The following ZDHHC23 variants were observed in gnomAD, a reference collection of about 807,000 sequenced individuals.
The protein encoded by ZDHHC23 is zDHHC palmitoyltransferase 23.
A neutral mutation model predicts 40.2 loss-of-function variants in ZDHHC23; 41 were observed. The observed-to-expected ratio is 1.02, with a 90% CI of 0.79 to 1.32. The LOEUF is 1.32. Among genes scored for constraint, ZDHHC23 ranks in the 40% most tolerant of loss-of-function variants. The pLI is 0.00. For missense variants in ZDHHC23, 471 were observed against 541.5 expected (o/e 0.87, Z 1.29); for synonymous variants, 204 against 210.2 (o/e 0.97, Z 0.26).
intron 2 of ZDHHC23, 152 bp from the exon 3 acceptor site, chr3:113,953,548 A>C (rs1938885073): frequency 3.0e-6 from 2 of 664,968 alleles, no homozygotes; most frequent in Non-Finnish European, 5.0e-6. Context: ...TGACATGTGA[A>C]TCTGAAAAGC....
chr3:113,948,672 T>A lies in ZDHHC23; in HGVS notation c.-117-14T>A. The A allele has an allele frequency of 9.1e-7, 1 of 1,104,200 alleles. No individual in the cohort carries two copies. Among genetic ancestry groups the A allele is most frequent in the Non-Finnish European group, 1.3e-6 (1 of 781,582 alleles). The allele number at this position is 1,104,200 out of a possible 1,614,324, so 68.4% of individuals were successfully genotyped here. A position where few individuals can be genotyped will look rare whatever the true frequency, so the allele number is the denominator to read the frequency against. On this transcript the variant is annotated splice_polypyrimidine_tract_variant and intron_variant, in intron 1 of 4. Coordinates refer to ENST00000638807, the MANE Select transcript of ZDHHC23 (RefSeq NM_001320466.2). ...ACCCCCTCCCCCTCTCTCTTCTCAT[T>A]TTTGATTGCTCAGGCGTTGGAGGTT...
rs988647098 is a variant in ZDHHC23 at position 113,960,599 on chromosome 3, A to G, written c.*1969A>G. The G allele has an allele frequency of 4.2e-5, 65 of 1,550,844 alleles. No homozygotes were observed. The highest frequency in any genetic ancestry group is 5.2e-5 in the Non-Finnish European group (60 of 1,156,460). On this transcript the variant is annotated 3_prime_UTR_variant, in exon 5 of 5. Transcript: ENST00000638807. ...TAGTCAGTAATTTTAGCTTCTTGCC[A>G]AATTGTTCACAACATCTAAATGTAA... is the stretch of plus-strand genomic sequence containing the variant.
chr3:113,950,049 G>T (rs1385525555), intron 2 of ZDHHC23, among the ~76,000 whole-genome samples: 1 of 152,106 alleles, frequency 6.6e-6, no homozygotes, highest in Non-Finnish European at 1.5e-5. Context: ...CATTAACCTT[G>T]CTAACTCTTC....
Position 113,959,207 on chromosome 3 carries a change from A to T in ZDHHC23, c.*577A>T. On this transcript the variant is annotated 3_prime_UTR_variant, in exon 5 of 5. Coordinates refer to ENST00000638807, the MANE Select transcript of ZDHHC23 (RefSeq NM_001320466.2). ...GGAAGAAAAACGTTTATAGTCTAGA[A>T]TATTGAAGCCAATATTATTAGGGTA... 9.4e-7 allele frequency: 1 copy of T among 1,068,578 alleles called. No homozygotes were observed. The highest frequency in any genetic ancestry group is 1.6e-5 in the African/African-American group (1 of 61,194). 66.2% of individuals were successfully genotyped at this position (1,068,578 alleles called of 1,614,324 possible).
chr3:113,970,959 G>A, the ZDHHC23 span, among the ~76,000 whole-genome samples: 1 of 152,112 alleles, frequency 6.6e-6, no homozygotes, highest in Non-Finnish European at 1.5e-5. Context: ...TCTTAATCCA[G>A]TCTATCATTG....
chr3:113,975,830 G>A, the ZDHHC23 span, among the ~76,000 whole-genome samples: 1 of 152,202 alleles, frequency 6.6e-6, no homozygotes, highest in Non-Finnish European at 1.5e-5. Flanking sequence ...AAAGTGGGAA[G>A]AGATGAAATC....
chr3:113,948,976 C>A lies in ZDHHC23; in HGVS notation c.161+13C>A, dbSNP rs751916421. On this transcript the variant is annotated intron_variant, in intron 2 of 4. Transcript: ENST00000638807. ...AAGGGTGTGATCGGTAAGAACAGAGCATTTCTTGACGCTGGCCCCATCACC... is the reference window on the plus strand; with the variant it reads ...AAGGGTGTGATCGGTAAGAACAGAGAATTTCTTGACGCTGGCCCCATCACC... 23 of 1,613,712 alleles carry A rather than the reference C, an allele frequency of 1.4e-5. No homozygotes were observed. Among genetic ancestry groups the A allele is most frequent in the Admixed American group, 1.3e-4 (8 of 60,002 alleles).
At position 113,958,571 on chromosome 3, in the gene ZDHHC23, C is replaced by A. The variant is rs1312139116; in HGVS notation, c.1249C>A (p.His417Asn). 14 of 1,609,330 alleles carry A rather than the reference C, an allele frequency of 8.7e-6. No homozygotes were observed. The highest frequency in any genetic ancestry group is 1.1e-5 in the Non-Finnish European group (13 of 1,179,950). The part of the protein sequence containing the change: ...QYNRGFLRNW[H>N]QFSTLGTRAF... ...CAATAGGGGCTTCCTGCGGAACTGG[C>A]ACCAGTTCTCCACCCTGGGCACACG... The change falls in exon 5 of 5, where the codon CAC becomes AAC. Residue 417 changes from histidine (H) to asparagine (N), a missense_variant. This residue lies in a region of ZDHHC23 where 346 missense variants were observed against 399.8 expected (regional missense o/e 0.87). Transcript: ENST00000638807.
chr3:113,949,353 G>A (rs1429882211), intron 2 of ZDHHC23, among the ~76,000 whole-genome samples: 3 of 152,294 alleles, frequency 2.0e-5, no homozygotes, highest in Middle Eastern at 3.4e-3. Context: ...CTGACTACTT[G>A]GGACTGGGTG....
chr3:113,950,641 A>G (rs1487484902), intron 2 of ZDHHC23, among the ~76,000 whole-genome samples: 1 of 152,156 alleles, frequency 6.6e-6, no homozygotes, highest in East Asian at 1.9e-4. Context: ...TGTCCTTCTC[A>G]CATGCAAAAT....
the ZDHHC23 span, among the ~76,000 whole-genome samples, chr3:113,973,596 G>GTTTT: frequency 6.9e-6 from 1 of 145,566 alleles, no homozygotes; most frequent in Non-Finnish European, 1.5e-5. Context: ...TGGATGGCAG[G>GTTTT]TTTTTTTTTT....
rs1162161809 is a variant in ZDHHC23 at position 113,959,292 on chromosome 3, A to C, written c.*662A>C. ...TGAGAATTTCTCCTTCTTATTAGAC[A>C]TGAACTACTCAAACAGAGAAGATGA... On this transcript the variant is annotated 3_prime_UTR_variant, in exon 5 of 5. Coordinates refer to ENST00000638807, the MANE Select transcript of ZDHHC23 (RefSeq NM_001320466.2). The C allele has an allele frequency of 9.1e-7, 1 of 1,094,962 alleles. No individual in the cohort carries two copies. Among genetic ancestry groups the C allele is most frequent in the African/African-American group, 1.6e-5 (1 of 61,850 alleles). 67.8% of individuals were successfully genotyped at this position (1,094,962 alleles called of 1,614,324 possible). A position where few individuals can be genotyped will look rare whatever the true frequency, so the allele number is the denominator to read the frequency against.
chr3:113,972,031 T>C, the ZDHHC23 span, among the ~76,000 whole-genome samples: 1 of 152,136 alleles, frequency 6.6e-6, no homozygotes, highest in African/African-American at 2.4e-5. Context: ...TATGTCTCCT[T>C]TTTCATTTCT....
Position 113,958,925 on chromosome 3 carries a change from C to A in ZDHHC23, c.*295C>A. The stretch of plus-strand genomic sequence containing the variant: ...AATGCACAAATTGATAGAAGCAATT[C>A]CCATCCATTAGTATGGAGGAAAGAG... On this transcript the variant is annotated 3_prime_UTR_variant, in exon 5 of 5. Transcript: ENST00000638807. 8.1e-7 allele frequency: 1 copy of A among 1,233,566 alleles called. No individual in the cohort carries two copies. Among genetic ancestry groups the A allele is most frequent in the South Asian group, 1.4e-5 (1 of 69,598 alleles). 76.4% of individuals were successfully genotyped at this position (1,233,566 alleles called of 1,614,324 possible).
At chr3:113,978,634 TAC>T in the ZDHHC23 span, 4 of 598,458 alleles carry the variant, frequency 6.7e-6, no homozygotes, top group Non-Finnish European at 8.6e-6. Context: ...AATGATAACT[TAC>T]AGTTTATACA....
At chr3:113,969,370 A>G (rs146742238), downstream of ZDHHC23, among the ~76,000 whole-genome samples, 102 of 152,052 alleles carry the variant, frequency 6.7e-4, no homozygotes, top group African/African-American at 2.4e-3. Context: ...CCAGTTGTCT[A>G]TTTTTGCTTT....
rs764162832 is a variant in ZDHHC23, at chr3:113,958,887, G to A, written c.*257G>A. On this transcript the variant is annotated 3_prime_UTR_variant, in exon 5 of 5. Coordinates refer to ENST00000638807, the MANE Select transcript of ZDHHC23 (RefSeq NM_001320466.2). Reference sequence around the variant, plus strand: ...GACTCAGTTGCCTGAACTTGAGAAGGATGTGGATTGCTAATGCACAAATTG... The same window carrying A: ...GACTCAGTTGCCTGAACTTGAGAAGAATGTGGATTGCTAATGCACAAATTG... 7 of 1,295,620 alleles carry A rather than the reference G, an allele frequency of 5.4e-6. No individual in the cohort carries two copies. The highest frequency in any genetic ancestry group is 7.0e-6 in the Non-Finnish European group (7 of 999,862). 80.3% of individuals were successfully genotyped at this position (1,295,620 alleles called of 1,614,324 possible).
chr3:113,958,415 A>G lies in ZDHHC23; in HGVS notation c.1093A>G (p.Met365Val). ...VWYSVIITAG[M>V]AYIFLIQLIN... ...GTACTCTGTGATCATCACAGCAGGC[A>G]TGGCCTACATCTTCCTGATCCAGCT... Residue 365 changes from methionine (M) to valine (V), a missense_variant, in exon 5 of 5, where the codon ATG becomes GTG. Met to Val is a conservative substitution (Grantham distance 21). This residue lies in a region of ZDHHC23 where 346 missense variants were observed against 399.8 expected (regional missense o/e 0.87). Coordinates refer to ENST00000638807, the MANE Select transcript of ZDHHC23 (RefSeq NM_001320466.2). The G allele has an allele frequency of 2.5e-6, 4 of 1,614,184 alleles. No homozygotes were observed. The highest frequency in any genetic ancestry group is 3.4e-6 in the Non-Finnish European group (4 of 1,180,040).
chr3:113,959,843 T>C lies in ZDHHC23; in HGVS notation c.*1213T>C, dbSNP rs1939566333. On this transcript the variant is annotated 3_prime_UTR_variant, in exon 5 of 5. Transcript: ENST00000638807. ...GGGTATATGTGGTTTCCACTATTAA[T>C]GGATTACTGTTCTTCCCTGGCTCTT... The C allele has an allele frequency of 9.8e-7, 1 of 1,016,660 alleles. No homozygotes were observed. The highest frequency in any genetic ancestry group is 1.2e-6 in the Non-Finnish European group (1 of 845,632). The allele number at this position is 1,016,660 out of a possible 1,614,324, so 63.0% of individuals were successfully genotyped here.
Sources: gnomAD v4.1 joint callset for allele counts (sites outside exome capture counted in the v4.1 genomes callset) on GRCh38, gnomAD v4.1.1 for gene constraint, gnomAD v4.1.1 regional missense constraint, MANE v1.5 for transcripts, NCBI Gene and HGNC (gene_info 2026-07-23, HGNC 2026-07-21) for gene names.